Variants in PTPRD observed in about 807,000 individuals in gnomAD.
PTPRD encodes protein tyrosine phosphatase receptor type D.
In PTPRD, 34 loss-of-function variants were observed where a neutral mutation model predicts 214.5. The observed-to-expected ratio is 0.16, with a 90% CI of 0.12 to 0.21. The LOEUF (loss-of-function observed/expected upper bound fraction) is 0.21. PTPRD is among the 10% of genes least tolerant of loss of function. PTPRD has a pLI of 1.00. For missense variants in PTPRD, 2,545 were observed against 2,398.7 expected, an observed-to-expected ratio of 1.06 and a Z score of -1.27; for synonymous variants, 1,128 against 845.7, an observed-to-expected ratio of 1.33 and a Z score of -5.79.
rs915080433 is a variant in PTPRD at position 8,563,638 on chromosome 9, T to C, written c.353-34859A>G. Among the ~76,000 whole-genome samples the C allele has an allele frequency of 2.6e-5, 4 of 151,968 alleles. No homozygotes were observed. In the East Asian group the frequency reaches 7.7e-4, roughly 29 times the overall value. ...TTTTAGTAGAGATGGGGTTTCACCA[T>C]GTTGGCCAGGCTGGTCTTGAACTCC... On this transcript the variant is annotated intron_variant, in intron 14 of 45. Transcript: ENST00000381196.
intron 4 of PTPRD, among the ~76,000 whole-genome samples, chr9:9,972,063 C>A (rs999486691): frequency 7.9e-5 from 12 of 152,106 alleles, no homozygotes; most frequent in African/African-American, 2.7e-4. Flanking sequence ...CCCAGTAATA[C>A]AAGCCACAGT....
rs1171642515 is a variant in PTPRD at position 9,993,026 on chromosome 9, A to G, written c.-472+40692T>C. Among the ~76,000 whole-genome samples, 3 of 152,144 alleles carry G rather than the reference A, an allele frequency of 2.0e-5. No individual in the cohort carries two copies. The East Asian group carries it at 5.8e-4, about 29-fold the overall frequency. The stretch of plus-strand genomic sequence containing the variant: ...CAGTTAGATGCCAATGTGAACTTTC[A>G]TAAATAGTTGTTGGTTAAATACATA... On this transcript the variant is annotated intron_variant, in intron 4 of 45. Coordinates refer to ENST00000381196, the MANE Select transcript of PTPRD (RefSeq NM_002839.4).
intron 35 of PTPRD, among the ~76,000 whole-genome samples, chr9:8,406,266 G>A (rs977680507): frequency 3.3e-5 from 5 of 152,122 alleles, no homozygotes; most frequent in African/African-American, 7.2e-5. Flanking sequence ...ATGTCCTGGT[G>A]GAAGCCTTCA....
chr9:10,598,506 G>C (rs1457752056), intron 2 of PTPRD, among the ~76,000 whole-genome samples: 1 of 151,648 alleles, frequency 6.6e-6, no homozygotes, highest in Non-Finnish European at 1.5e-5. Flanking sequence ...TATCCAAAAA[G>C]CCAGTCACAT....
chr9:8,679,945 C>G (rs1014812957), intron 12 of PTPRD, among the ~76,000 whole-genome samples: 1 of 152,094 alleles, frequency 6.6e-6, no homozygotes, highest in African/African-American at 2.4e-5. Flanking sequence ...TGCATGTCTA[C>G]TAGAGAAAAG....
At chr9:9,459,627 A>G (rs1366719821) in intron 8 of PTPRD, among the ~76,000 whole-genome samples, 1 of 152,156 alleles carries the variant, frequency 6.6e-6, no homozygotes, top group Non-Finnish European at 1.5e-5. Context: ...ACCTAGAAAT[A>G]CTTTTAACCA....
intron 2 of PTPRD, among the ~76,000 whole-genome samples, chr9:10,363,302 G>T (rs905333779): frequency 6.6e-6 from 1 of 152,154 alleles, no homozygotes; most frequent in Non-Finnish European, 1.5e-5. Context: ...AGTCTTAAAA[G>T]TAAATAATAG....
At chr9:10,016,410 G>A (rs947203313) in intron 4 of PTPRD, among the ~76,000 whole-genome samples, 1 of 106,138 alleles carries the variant, frequency 9.4e-6, no homozygotes, top group African/African-American at 3.4e-5. Context: ...GATAGATAGG[G>A]AAATTCTTTC....
At chr9:8,849,374 C>T (rs968249196) in intron 11 of PTPRD, among the ~76,000 whole-genome samples, 12 of 151,812 alleles carry the variant, frequency 7.9e-5, no homozygotes, top group Non-Finnish European at 1.2e-4. Context: ...CTACAGGCGC[C>T]CACCACCACG....
intron 10 of PTPRD, among the ~76,000 whole-genome samples, chr9:9,063,180 A>C (rs567004538): frequency 4.6e-5 from 7 of 152,280 alleles, no homozygotes; most frequent in African/African-American, 1.7e-4. Context: ...AAATTTTCAT[A>C]AAACTCTACT....
At chr9:10,417,026 G>A (rs1286127552) in intron 2 of PTPRD, among the ~76,000 whole-genome samples, 1 of 151,844 alleles carries the variant, frequency 6.6e-6, no homozygotes, top group Non-Finnish European at 1.5e-5. Flanking sequence ...GAATAGTAGA[G>A]GGTGTTGATG....
chr9:9,103,447 G>T (rs1397235682), intron 10 of PTPRD, among the ~76,000 whole-genome samples: 2 of 152,050 alleles, frequency 1.3e-5, no homozygotes, highest in Non-Finnish European at 2.9e-5. Flanking sequence ...AAAACAAAAT[G>T]TGGAATAAAC....
At chr9:9,973,935 C>G (rs2890897) in intron 4 of PTPRD, among the ~76,000 whole-genome samples, 123,490 of 152,136 alleles carry the variant, frequency 0.81, 51,095 homozygotes, top group Middle Eastern at 0.9. Context: ...TTCTATACCA[C>G]TGACATTGAT....
chr9:10,599,938 G>T (rs908716411), intron 2 of PTPRD, among the ~76,000 whole-genome samples: 14 of 151,554 alleles, frequency 9.2e-5, no homozygotes, highest in Admixed American at 8.6e-4. Flanking sequence ...CCAATATTAT[G>T]GGTTCTTTAG....
At chr9:10,218,447 T>A (rs781316155) in intron 3 of PTPRD, among the ~76,000 whole-genome samples, 1 of 151,942 alleles carries the variant, frequency 6.6e-6, no homozygotes, top group Non-Finnish European at 1.5e-5. Flanking sequence ...GCATTACTTT[T>A]GTCACTTCAA....
chr9:9,887,265 A>C (rs541829790), intron 5 of PTPRD, among the ~76,000 whole-genome samples: 1 of 151,968 alleles, frequency 6.6e-6, no homozygotes, highest in East Asian at 1.9e-4. Flanking sequence ...AACCATGAAA[A>C]TTTTCCTTGA....
intron 7 of PTPRD, among the ~76,000 whole-genome samples, chr9:9,690,501 T>C (rs2097251008): frequency 6.6e-6 from 1 of 151,818 alleles, no homozygotes; most frequent in Non-Finnish European, 1.5e-5. Context: ...ATCCCATTTG[T>C]TTTTGTTGTC....
At chr9:8,393,127 C>A (rs1483717943) in intron 36 of PTPRD, among the ~76,000 whole-genome samples, 1 of 152,094 alleles carries the variant, frequency 6.6e-6, no homozygotes, top group Non-Finnish European at 1.5e-5. Flanking sequence ...AACATTCTTC[C>A]ACTTTTTGGG....
chr9:8,730,564 G>C (rs554704205), intron 12 of PTPRD, among the ~76,000 whole-genome samples: 1 of 152,182 alleles, frequency 6.6e-6, no homozygotes, highest in Non-Finnish European at 1.5e-5. Flanking sequence ...GAGTGAAACT[G>C]GTCTGACAAA....
Sources: gnomAD v4.1 joint callset for allele counts (sites outside exome capture counted in the v4.1 genomes callset) on GRCh38, gnomAD v4.1.1 for gene constraint, MANE v1.5 for transcripts, NCBI Gene and HGNC (gene_info 2026-07-23, HGNC 2026-07-21) for gene names.